PTPRD: variants seen among roughly 807,000 people sequenced by gnomAD.
The protein encoded by PTPRD is receptor-type tyrosine-protein phosphatase delta.
Under a neutral mutation model 214.5 loss-of-function variants are expected in PTPRD, and 34 were observed. The ratio of observed to expected loss-of-function variants is 0.16; its 90% CI spans 0.12 to 0.21. The LOEUF (loss-of-function observed/expected upper bound fraction) is 0.21. PTPRD is among the 10% of genes least tolerant of loss of function. PTPRD has a pLI of 1.00. For synonymous variants in PTPRD, 1,128 were observed against 845.7 expected (o/e 1.33, Z -5.79); for missense variants, 2,545 against 2,398.7 (o/e 1.06, Z -1.27).
At chr9:9,696,610 T>C (rs1219926856) in intron 7 of PTPRD, among the ~76,000 whole-genome samples, 1 of 152,164 alleles carries the variant, frequency 6.6e-6, no homozygotes, top group East Asian at 1.9e-4. Context: ...TTATCTGATT[T>C]AAATATAGCT....
chr9:8,526,727 A>C (rs2074258895), intron 16 of PTPRD, 83 bp from the exon 17 acceptor site: 1 of 1,127,122 alleles, frequency 8.9e-7, no homozygotes, highest in African/African-American at 1.6e-5. Flanking sequence ...TGGGGAGAAG[A>C]ATTAAATTAG....
chr9:8,668,495 AG>A (rs1194607504), intron 12 of PTPRD, among the ~76,000 whole-genome samples: 1 of 152,220 alleles, frequency 6.6e-6, no homozygotes, highest in African/African-American at 2.4e-5. Flanking sequence ...AAAGCGTTCC[AG>A]AAAGTACCAT....
intron 3 of PTPRD, among the ~76,000 whole-genome samples, chr9:10,211,784 T>C (rs545163159): frequency 6.6e-6 from 1 of 151,896 alleles, no homozygotes; most frequent in Non-Finnish European, 1.5e-5. Context: ...ATAATAGGCA[T>C]TGGGAAATCG....
chr9:10,448,952 A>T (rs1295887109), intron 2 of PTPRD, among the ~76,000 whole-genome samples: 1 of 152,090 alleles, frequency 6.6e-6, no homozygotes, highest in Non-Finnish European at 1.5e-5. Context: ...TACTTAATGA[A>T]AATAGCAGTT....
At chr9:8,618,417 G>A (rs918005711) in intron 14 of PTPRD, among the ~76,000 whole-genome samples, 5 of 152,038 alleles carry the variant, frequency 3.3e-5, no homozygotes, top group African/African-American at 4.8e-5. Flanking sequence ...ATGCTGGACT[G>A]TTCATTTTCA....
At chr9:8,816,424 G>A (rs999384200) in intron 11 of PTPRD, among the ~76,000 whole-genome samples, 11 of 152,180 alleles carry the variant, frequency 7.2e-5, no homozygotes, top group Non-Finnish European at 1.3e-4. Context: ...AAGACACAAA[G>A]TTGACCCTGA....
At chr9:9,203,568 T>C (rs555816569) in intron 9 of PTPRD, among the ~76,000 whole-genome samples, 110 of 152,208 alleles carry the variant, frequency 7.2e-4, no homozygotes, top group South Asian at 3.5e-3. Flanking sequence ...ACTGTTACAG[T>C]TCGGGTTCTT....
In PTPRD at chr9:8,545,040, G is replaced by A. The variant is rs140532591; in HGVS notation, c.353-16261C>T. Among the ~76,000 whole-genome samples the A allele has an allele frequency of 5.8e-3, 885 of 151,976 alleles. 9 individuals carry two copies. The highest frequency in any genetic ancestry group is 0.019 in the African/African-American group (800 of 41,432). ...TCACTTTCCTGGTGCTTCTTAATAT[G>A]ACAGAGACTTAAACATATTCTAGCA... On this transcript the variant is annotated intron_variant, in intron 14 of 45. Coordinates refer to ENST00000381196, the MANE Select transcript of PTPRD (RefSeq NM_002839.4).
chr9:9,416,058 T>C (rs1000461807), intron 8 of PTPRD, among the ~76,000 whole-genome samples: 2 of 152,188 alleles, frequency 1.3e-5, no homozygotes, highest in African/African-American at 4.8e-5. Context: ...TTTTCTCTTC[T>C]CACCTTTACC....
chr9:10,096,583 GTTTT>G (rs912406116), intron 3 of PTPRD, among the ~76,000 whole-genome samples: 5 of 151,842 alleles, frequency 3.3e-5, no homozygotes, highest in South Asian at 2.1e-4. Flanking sequence ...TTTTGATGGG[GTTTT>G]TTGTTTTTTT....
At chr9:10,592,543 A>G (rs183160259) in intron 2 of PTPRD, among the ~76,000 whole-genome samples, 10 of 152,032 alleles carry the variant, frequency 6.6e-5, no homozygotes, top group Admixed American at 3.9e-4. Flanking sequence ...CAGTGGTTCA[A>G]TATGTCTACT....
At chr9:10,480,423 A>G (rs146109990) in intron 2 of PTPRD, among the ~76,000 whole-genome samples, 32 of 152,322 alleles carry the variant, frequency 2.1e-4, no homozygotes, top group African/African-American at 7.0e-4. Flanking sequence ...ATTATAAGGT[A>G]GTATTACCTG....
At chr9:9,901,751 G>A (rs1467720401) in intron 5 of PTPRD, among the ~76,000 whole-genome samples, 1 of 152,058 alleles carries the variant, frequency 6.6e-6, no homozygotes, top group Non-Finnish European at 1.5e-5. Context: ...CAGTTCTGGA[G>A]GCTGTATGGG....
chr9:10,090,519 G>T (rs2098416346), intron 3 of PTPRD, among the ~76,000 whole-genome samples: 1 of 150,878 alleles, frequency 6.6e-6, no homozygotes, highest in Admixed American at 6.6e-5. Context: ...TATTTTGGTT[G>T]ATTTTAGTCA....
intron 7 of PTPRD, among the ~76,000 whole-genome samples, chr9:9,631,043 TC>T (rs2095573765): frequency 6.6e-6 from 1 of 152,100 alleles, no homozygotes; most frequent in Admixed American, 6.6e-5. Context: ...CATGACTCTG[TC>T]ATTTAAAAAC....
intron 5 of PTPRD, among the ~76,000 whole-genome samples, chr9:9,775,380 T>C (rs951655882): frequency 6.6e-6 from 1 of 152,210 alleles, no homozygotes; most frequent in East Asian, 1.9e-4. Context: ...AATTCTTGTT[T>C]AGTCAGAATC....
chr9:8,810,443 G>A (rs1439173114), intron 11 of PTPRD, among the ~76,000 whole-genome samples: 1 of 152,106 alleles, frequency 6.6e-6, no homozygotes, highest in Admixed American at 6.5e-5. Flanking sequence ...TAGCGTCTGA[G>A]TGGATATTTT....
At chr9:9,059,675 G>A (rs2099703573) in intron 10 of PTPRD, among the ~76,000 whole-genome samples, 1 of 151,826 alleles carries the variant, frequency 6.6e-6, no homozygotes, top group South Asian at 2.1e-4. Flanking sequence ...ATTAAATAAA[G>A]AATATATAAT....
chr9:10,174,085 A>C (rs1356451019), intron 3 of PTPRD, among the ~76,000 whole-genome samples: 1 of 152,138 alleles, frequency 6.6e-6, no homozygotes, highest in Non-Finnish European at 1.5e-5. Flanking sequence ...AATTAAGACA[A>C]TTTGCCTAAT....
Sources: gnomAD v4.1 joint callset for allele counts (sites outside exome capture counted in the v4.1 genomes callset) on GRCh38, gnomAD v4.1.1 for gene constraint, MANE v1.5 for transcripts, NCBI Gene and HGNC (gene_info 2026-07-23, HGNC 2026-07-21) for gene names.